The following KAZN variants were observed in gnomAD, a reference collection of about 807,000 sequenced individuals.
KAZN encodes the protein kazrin, periplakin interacting protein, also known as kazrin.
A neutral mutation model predicts 87.4 loss-of-function variants in KAZN; 40 were observed. That is an observed-to-expected ratio of 0.46 (90% CI 0.36 to 0.60). The LOEUF (loss-of-function observed/expected upper bound fraction) is 0.60, where lower values mean the gene tolerates loss of function less well. KAZN is among the 20% of genes least tolerant of loss of function. The pLI is 0.00. For missense variants in KAZN, 898 were observed against 1,073.9 expected (o/e 0.84, Z 2.29); for synonymous variants, 466 against 458.3 (o/e 1.02, Z -0.22).
intron 2 of KAZN, among the ~76,000 whole-genome samples, chr1:14,191,302 GA>G (rs1438126091): frequency 6.6e-6 from 1 of 152,168 alleles, no homozygotes; most frequent in East Asian, 1.9e-4. Flanking sequence ...GATTAAAGAG[GA>G]AAAAATATAT....
intron 2 of KAZN, among the ~76,000 whole-genome samples, chr1:14,576,280 AGAAGGATG>A (rs1179621717): frequency 2.0e-5 from 3 of 151,568 alleles, no homozygotes; most frequent in African/African-American, 2.4e-5. Context: ...TCAGTAAACT[AGAAGGATG>A]GAAGGATGGA....
intron 2 of KAZN, among the ~76,000 whole-genome samples, chr1:14,197,475 G>C (rs1456550949): frequency 4.6e-5 from 7 of 150,630 alleles, no homozygotes; most frequent in African/African-American, 2.4e-5. Context: ...ATCACCTGAG[G>C]TCAGGAGTTC....
Position 15,036,835 on chromosome 1 carries a change from G to A in KAZN, c.555+1950G>A, listed in dbSNP as rs180880387. ...TTACAGGAAGAGTTCTCAGAGCCTC[G>A]TGTGTGTCCATTCATTTAACATCCA... On this transcript the variant is annotated intron_variant, in intron 3 of 14. Transcript: ENST00000376030. Among the ~76,000 whole-genome samples, 333 of 152,282 alleles carry A rather than the reference G, an allele frequency of 2.2e-3. 1 individual carries two copies. Among genetic ancestry groups the A allele is most frequent in the Middle Eastern group, 0.02 (6 of 294 alleles).
At chr1:14,679,410 C>T (rs1640433637) in intron 1 of KAZN, among the ~76,000 whole-genome samples, 1 of 151,820 alleles carries the variant, frequency 6.6e-6, no homozygotes, top group Non-Finnish European at 1.5e-5. Context: ...GAATGCCTGG[C>T]CCTGGGGTGA....
intron 2 of KAZN, among the ~76,000 whole-genome samples, chr1:14,300,264 A>AT (rs1281891597): frequency 2.1e-4 from 12 of 57,624 alleles, no homozygotes; most frequent in Middle Eastern, 0.01. Flanking sequence ...GGAAGAATTT[A>AT]TTTATTTTTT....
chr1:14,567,422 C>CA (rs1557805083), intron 2 of KAZN, among the ~76,000 whole-genome samples: 1 of 152,014 alleles, frequency 6.6e-6, no homozygotes, highest in East Asian at 1.9e-4. Flanking sequence ...TGAAGTATTG[C>CA]AAAAATCACC....
intron 1 of KAZN, among the ~76,000 whole-genome samples, chr1:13,998,121 C>T (rs1484527996): frequency 1.3e-5 from 2 of 152,168 alleles, no homozygotes; most frequent in African/African-American, 4.8e-5. Context: ...TCCAGCCAAA[C>T]TAAGCTTCAT....
At chr1:15,007,590 A>G (rs971395915) in intron 2 of KAZN, among the ~76,000 whole-genome samples, 1 of 152,186 alleles carries the variant, frequency 6.6e-6, no homozygotes, top group Non-Finnish European at 1.5e-5. Flanking sequence ...GGTGGGACGC[A>G]AGGTGGGCTT....
chr1:14,106,673 C>G (rs2101658897), intron 1 of KAZN, among the ~76,000 whole-genome samples: 1 of 152,188 alleles, frequency 6.6e-6, no homozygotes, highest in African/African-American at 2.4e-5. Context: ...AGTGATGATC[C>G]CTGTTATTCT....
intron 1 of KAZN, among the ~76,000 whole-genome samples, chr1:14,106,638 A>G (rs1644380510): frequency 1.3e-5 from 2 of 152,142 alleles, no homozygotes; most frequent in Non-Finnish European, 2.9e-5. Context: ...AGTGACTTGA[A>G]ATTGATCTTC....
chr1:14,475,083 A>G (rs1180037021), intron 2 of KAZN, among the ~76,000 whole-genome samples: 1 of 151,998 alleles, frequency 6.6e-6, no homozygotes, highest in Admixed American at 6.6e-5. Flanking sequence ...TGGTAGATGG[A>G]TATTGGATGC....
At chr1:15,027,070 CTTTTTTTTTTTTTTTT>C (rs71000358) in intron 2 of KAZN, among the ~76,000 whole-genome samples, 2 of 56,116 alleles carry the variant, frequency 3.6e-5, no homozygotes, top group Non-Finnish European at 6.2e-5. Flanking sequence ...GCCAGTGCTT[CTTTTTTTTTTTTTTTT>C]TTTTTTTTTT....
intron 2 of KAZN, among the ~76,000 whole-genome samples, chr1:14,335,187 C>T (rs1001111389): frequency 1.3e-5 from 2 of 149,690 alleles, no homozygotes; most frequent in African/African-American, 4.9e-5. Flanking sequence ...TAAAGGAGGC[C>T]GGCATGTCCT....
chr1:14,637,440 G>C (rs1680075982), intron 1 of KAZN, among the ~76,000 whole-genome samples: 1 of 152,168 alleles, frequency 6.6e-6, no homozygotes, highest in Non-Finnish European at 1.5e-5. Flanking sequence ...GGCTCGGAAA[G>C]GTCACATGAC....
chr1:14,864,841 A>T (rs913064085), intron 1 of KAZN, among the ~76,000 whole-genome samples: 1 of 152,062 alleles, frequency 6.6e-6, no homozygotes, highest in African/African-American at 2.4e-5. Flanking sequence ...TGGTCTTCTC[A>T]TGTATGAAAT....
At chr1:14,390,180 T>C (rs1274460423) in intron 2 of KAZN, among the ~76,000 whole-genome samples, 1 of 152,238 alleles carries the variant, frequency 6.6e-6, no homozygotes, top group Non-Finnish European at 1.5e-5. Context: ...CGATTAATCA[T>C]GTATTGAGCC....
chr1:13,921,635 T>G (rs1640071057), intron 1 of KAZN, among the ~76,000 whole-genome samples: 1 of 152,120 alleles, frequency 6.6e-6, no homozygotes, highest in Admixed American at 6.5e-5. Flanking sequence ...TGTTTGCATT[T>G]TTTTTTTTGA....
rs139132171 is a variant in KAZN at position 14,562,597 on chromosome 1, T to C, written c.250-36386T>C. Among the ~76,000 whole-genome samples, 43 of 152,304 alleles carry C rather than the reference T, an allele frequency of 2.8e-4. No homozygotes were observed. In the East Asian group the frequency reaches 6.2e-3, roughly 22 times the overall value. On this transcript the variant is annotated intron_variant, in intron 2 of 16. Transcript: ENST00000636203. ...TCAGTCTCTGAAATAGCAGCAAGTA[T>C]TCAGCAAAATGTATTTCTCTCCAGT... is the stretch of plus-strand genomic sequence containing the variant.
intron 1 of KAZN, among the ~76,000 whole-genome samples, chr1:13,923,270 A>G (rs1431052983): frequency 5.3e-5 from 8 of 151,086 alleles, no homozygotes; most frequent in Admixed American, 5.2e-4. Context: ...TAAGAAAATA[A>G]TAAAGAAAAT....
Sources: allele counts gnomAD v4.1 joint callset (sites outside exome capture counted in the v4.1 genomes callset), GRCh38; gene constraint gnomAD v4.1.1; transcripts MANE v1.5; gene names NCBI Gene and HGNC (gene_info 2026-07-23, HGNC 2026-07-21).